SH3PXD2A: variants seen among roughly 807,000 people sequenced by gnomAD.
The protein encoded by SH3PXD2A is SH3 and PX domains 2A, also known as SH3 and PX domain-containing protein 2A.
SH3PXD2A carries 32 observed loss-of-function variants against 115.2 expected under a neutral mutation model. That is an observed-to-expected ratio of 0.28 (90% CI 0.21 to 0.37). The LOEUF (loss-of-function observed/expected upper bound fraction) is 0.37. SH3PXD2A is among the 10% of genes least tolerant of loss of function. SH3PXD2A has a pLI of 1.00. For missense variants in SH3PXD2A, 1,328 were observed against 1,498.7 expected, an observed-to-expected ratio of 0.89 and a Z score of 1.88; for synonymous variants, 610 against 629.1, an observed-to-expected ratio of 0.97 and a Z score of 0.45.
At chr10:103,667,525 A>T (rs2037399528) in intron 7 of SH3PXD2A, among the ~76,000 whole-genome samples, 1 of 152,198 alleles carries the variant, frequency 6.6e-6, no homozygotes, top group Non-Finnish European at 1.5e-5. Context: ...GGCCCTCGTC[A>T]CAGGAAACTC....
intron 6 of SH3PXD2A, 146 bp downstream of exon 6, chr10:103,692,882 T>G: frequency 3.1e-6 from 2 of 649,362 alleles, no homozygotes; most frequent in Admixed American, 2.5e-5. Flanking sequence ...GTGAAGCGAG[T>G]ACCCCTGGCC....
In SH3PXD2A at chr10:103,661,067, C is replaced by G; in HGVS notation, c.520G>C (p.Val174Leu). ...TTCTCCTGCTTCTTATAGTTGGACA[C>G]CACCACGTACTGTTCCAGGATCATG... is the stretch of plus-strand genomic sequence containing the variant. The part of the protein sequence containing the change: ...EPMILEQYVV[V>L]SNYKKQENSE... The change falls in exon 8 of 15, where the codon GTG becomes CTG. Residue 174 changes from valine to leucine, a missense_variant. Around this residue, in one of 5 missense-constraint regions of SH3PXD2A, gnomAD observed 90 missense variants for 71.1 expected, o/e 1.27. Transcript: ENST00000369774. 6.2e-7 allele frequency: 1 copy of G among 1,614,124 alleles called. No individual in the cohort carries two copies. The highest frequency in any genetic ancestry group is 1.1e-5 in the South Asian group (1 of 91,086).
intron 1 of SH3PXD2A, among the ~76,000 whole-genome samples, chr10:103,817,123 T>C (rs2039332388): frequency 6.6e-6 from 1 of 150,792 alleles, no homozygotes. Context: ...GGATTACAGG[T>C]GTGAGCCACC....
At chr10:103,821,482 C>T (rs2039379065) in intron 1 of SH3PXD2A, among the ~76,000 whole-genome samples, 2 of 152,116 alleles carry the variant, frequency 1.3e-5, no homozygotes. Flanking sequence ...AGTGGCAGTG[C>T]CAAGGGAGGC....
intron 2 of SH3PXD2A, among the ~76,000 whole-genome samples, chr10:103,780,510 G>A (rs184385816): frequency 7.6e-4 from 116 of 152,318 alleles, no homozygotes; most frequent in African/African-American, 2.6e-3. Flanking sequence ...ACCAGCACCA[G>A]CCTCTTTGGC....
rs564423308 is a variant in SH3PXD2A, at chr10:103,602,819, G to A, written c.2399C>T (p.Ser800Leu). ...GGAGGCCGTCTGCGGGGGCAGCTCC[G>A]AATCCTCACTCTTGGAGCCCTTGAG... ...GGLKGSKSEDSELPPQTASEA... is the reference protein window; with the variant it reads ...GGLKGSKSEDLELPPQTASEA... Residue 800 changes from serine (S) to leucine (L), a missense_variant, in exon 15 of 15, where the codon TCG becomes TTG. Ser to Leu is a moderately radical substitution (Grantham distance 145). This residue lies in a region of SH3PXD2A where 574 missense variants were observed against 565.7 expected (regional missense o/e 1.01). Transcript: ENST00000369774. 1.5e-5 allele frequency: 24 copies of A among 1,614,164 alleles called. No individual in the cohort carries two copies. In the African/African-American group the frequency reaches 1.6e-4, roughly 11 times the overall value.
intron 10 of SH3PXD2A, among the ~76,000 whole-genome samples, chr10:103,619,430 T>G (rs1392747346): frequency 1.3e-5 from 2 of 152,240 alleles, no homozygotes; most frequent in African/African-American, 4.8e-5. Context: ...TCAGCTGGGC[T>G]ATTTTTAAAA....
At chr10:103,625,014 G>A (rs1373933594) in intron 9 of SH3PXD2A, among the ~76,000 whole-genome samples, 2 of 152,068 alleles carry the variant, frequency 1.3e-5, no homozygotes, top group Non-Finnish European at 2.9e-5. Context: ...ACGCATGCAC[G>A]CGCACACACA....
intron 5 of SH3PXD2A, among the ~76,000 whole-genome samples, chr10:103,710,634 G>A (rs570882332): frequency 6.5e-4 from 99 of 152,280 alleles, no homozygotes; most frequent in African/African-American, 2.3e-3. Flanking sequence ...CGGCCCTCAG[G>A]GTGTGTGCAG....
At chr10:103,690,713 C>T (rs1269266606) in intron 6 of SH3PXD2A, among the ~76,000 whole-genome samples, 1 of 152,216 alleles carries the variant, frequency 6.6e-6, no homozygotes, top group African/African-American at 2.4e-5. Flanking sequence ...AATATCTGGG[C>T]ACTGTGGCCC....
At chr10:103,640,457 C>T (rs2036938021) in intron 8 of SH3PXD2A, among the ~76,000 whole-genome samples, 1 of 152,232 alleles carries the variant, frequency 6.6e-6, no homozygotes, top group South Asian at 2.1e-4. Flanking sequence ...ACACGGATCC[C>T]CAGAGGGTAA....
intron 8 of SH3PXD2A, among the ~76,000 whole-genome samples, chr10:103,639,220 A>G (rs1363024405): frequency 6.6e-6 from 1 of 152,186 alleles, no homozygotes; most frequent in Non-Finnish European, 1.5e-5. Flanking sequence ...TAGGCAGAAA[A>G]GAATTCTTAG....
chr10:103,724,504 T>C (rs2134172460), intron 4 of SH3PXD2A, 143 bp from the exon 5 acceptor site: 1 of 525,670 alleles, frequency 1.9e-6, no homozygotes, highest in South Asian at 2.9e-5. Flanking sequence ...CACCCACCTG[T>C]CCACCCAGAA....
intron 1 of SH3PXD2A, among the ~76,000 whole-genome samples, chr10:103,848,404 C>G (rs891476435): frequency 4.6e-5 from 7 of 152,150 alleles, no homozygotes; most frequent in Admixed American, 3.3e-4. Flanking sequence ...GGCACAGTCG[C>G]AAAAACAGCG....
chr10:103,827,613 C>T (rs546818655), intron 1 of SH3PXD2A, among the ~76,000 whole-genome samples: 70 of 152,304 alleles, frequency 4.6e-4, no homozygotes, highest in Non-Finnish European at 8.7e-4. Context: ...ACACCACATT[C>T]TCAGTGCACC....
intron 3 of SH3PXD2A, among the ~76,000 whole-genome samples, chr10:103,738,615 G>T (rs74837885): frequency 6.6e-6 from 1 of 152,264 alleles, no homozygotes; most frequent in East Asian, 1.9e-4. Flanking sequence ...AACCTGCATG[G>T]AGCAGGGCCT....
At chr10:103,724,229 C>T (rs375556314) in intron 5 of SH3PXD2A, 41 bp downstream of exon 5, 35 of 1,178,942 alleles carry the variant, frequency 3.0e-5, no homozygotes, top group Admixed American at 2.5e-4. Flanking sequence ...CTTTAGCCCA[C>T]GCCTCCCCAG....
chr10:103,627,326 G>A lies in SH3PXD2A; in HGVS notation c.605-124C>T. The A allele has an allele frequency of 4.7e-6, 3 of 638,054 alleles. No individual in the cohort carries two copies. In the South Asian group the frequency reaches 5.5e-5, roughly 12 times the overall value. The allele number at this position is 638,054 out of a possible 1,614,324, so 39.5% of individuals were successfully genotyped here. A position where few individuals can be genotyped will look rare whatever the true frequency, so the allele number is the denominator to read the frequency against. On this transcript the variant is annotated intron_variant, in intron 8 of 14. Transcript: ENST00000369774. The surrounding 1 kb of genome is among the most constrained non-coding windows in gnomAD (Gnocchi z 4.4). ...CGGAGCATGGAGCCAGATGGCCTGG[G>A]GACCCAGCAAATGCCTGGCCCAGCT...
chr10:103,766,163 T>C (rs1169815706), intron 3 of SH3PXD2A, among the ~76,000 whole-genome samples: 1 of 152,234 alleles, frequency 6.6e-6, no homozygotes, highest in Non-Finnish European at 1.5e-5. Flanking sequence ...AAGCAGGCAC[T>C]GGCTGTGGGC....
Sources: allele counts gnomAD v4.1 joint callset (sites outside exome capture counted in the v4.1 genomes callset), GRCh38; gene constraint gnomAD v4.1.1; regional missense constraint gnomAD v4.1.1; non-coding constraint Gnocchi (gnomAD v3.1); transcripts MANE v1.5; gene names NCBI Gene and HGNC (gene_info 2026-07-23, HGNC 2026-07-21).